Variants in RIC1 observed in about 807,000 individuals in gnomAD.
The protein encoded by RIC1 is RIC1 partner of RAB6A GEF complex.
In RIC1, 88 loss-of-function variants were observed where a neutral mutation model predicts 169.0. That is an observed-to-expected ratio of 0.52 (90% CI 0.44 to 0.62). The LOEUF (loss-of-function observed/expected upper bound fraction) is 0.62. Ranked by LOEUF, RIC1 falls within the 20% of genes least tolerant of loss-of-function variation. The pLI is 0.00. For missense variants in RIC1, 1,877 were observed against 1,725.5 expected, an observed-to-expected ratio of 1.09 and a Z score of -1.56; for synonymous variants, 790 against 601.5, an observed-to-expected ratio of 1.31 and a Z score of -4.59.
At chr9:5,681,429 C>T (rs1049799957) in intron 2 of RIC1, among the ~76,000 whole-genome samples, 11 of 152,044 alleles carry the variant, frequency 7.2e-5, no homozygotes, top group Admixed American at 5.9e-4. Context: ...GCAGGTTGTT[C>T]AGTGTCCATG....
In RIC1 at chr9:5,762,634, A is replaced by G. The variant is rs748877446; in HGVS notation, c.2086A>G (p.Ser696Gly). The change falls in exon 18 of 26, where the codon AGT (serine) becomes GGT (glycine). Residue 696 changes from serine to glycine, a missense_variant. Around this residue, in one of 3 missense-constraint regions of RIC1, gnomAD observed 1,104 missense variants for 992.0 expected, o/e 1.11. Coordinates refer to ENST00000414202, the MANE Select transcript of RIC1 (RefSeq NM_020829.4). Reference sequence around the variant, plus strand: ...AGGCCCACAGATCCGGGAGAAGGACAGTAACCCTAATAACCAAAGGAAACT... The same window carrying G: ...AGGCCCACAGATCCGGGAGAAGGACGGTAACCCTAATAACCAAAGGAAACT... The part of the protein sequence containing the change: ...RSGPQIREKD[S>G]NPNNQRKLLP... 1.2e-6 allele frequency: 2 copies of G among 1,614,020 alleles called. No homozygotes were observed. The highest frequency in any genetic ancestry group is 1.1e-5 in the South Asian group (1 of 91,068).
intron 1 of RIC1, among the ~76,000 whole-genome samples, chr9:5,647,974 A>ATGGTGGTGG (rs775917627): frequency 1.2e-4 from 12 of 99,220 alleles, no homozygotes; most frequent in African/African-American, 4.4e-4. Flanking sequence ...GGTGGTGGTG[A>ATGGTGGTGG]TGGTGGTGGT....
chr9:5,656,879 A>G (rs186396852), intron 2 of RIC1, among the ~76,000 whole-genome samples, 189 bp downstream of exon 2: 1 of 152,230 alleles, frequency 6.6e-6, no homozygotes, highest in East Asian at 1.9e-4. Flanking sequence ...TGACTCTGCT[A>G]CTTCCTTAAC....
rs1330714071 is a variant in RIC1, at chr9:5,763,604, T to C, written c.2577T>C (p.His859=). The change falls in exon 19 of 26, where the codon CAT becomes CAC. Residue 859 remains histidine, a synonymous_variant. Coordinates refer to ENST00000414202, the MANE Select transcript of RIC1 (RefSeq NM_020829.4). This position sits in a 1 kb window ranked among gnomAD's most constrained non-coding sequence, Gnocchi z 5.2. ...GTGCCACATTACCTTACTTCCCTCA[T>C]GTGCTGGAGCTCATGCTCCATGAAG... ...QSCATLPYFP[H]VLELMLHEVL... 1 of 1,614,148 alleles carries C rather than the reference T, an allele frequency of 6.2e-7. No individual in the cohort carries two copies. The highest frequency in any genetic ancestry group is 8.5e-7 in the Non-Finnish European group (1 of 1,180,010).
intron 1 of RIC1, among the ~76,000 whole-genome samples, chr9:5,632,782 C>T (rs553109953): frequency 4.9e-4 from 74 of 152,120 alleles, no homozygotes; most frequent in Non-Finnish European, 8.2e-4. Context: ...ACATTTTGTA[C>T]TGTACTGAGG....
intron 3 of RIC1, among the ~76,000 whole-genome samples, chr9:5,699,258 C>G (rs1393202282): frequency 6.6e-6 from 1 of 152,142 alleles, no homozygotes; most frequent in East Asian, 1.9e-4. Context: ...TCCCACATCC[C>G]AAAGATGTAC....
chr9:5,645,393 T>C (rs1264968428), intron 1 of RIC1, among the ~76,000 whole-genome samples: 1 of 152,232 alleles, frequency 6.6e-6, no homozygotes, highest in Non-Finnish European at 1.5e-5. Flanking sequence ...GAGTTCTTTA[T>C]ATGTCTTGAT....
chr9:5,636,744 G>T (rs1029265551), intron 1 of RIC1, among the ~76,000 whole-genome samples: 1 of 152,086 alleles, frequency 6.6e-6, no homozygotes, highest in African/African-American at 2.4e-5. Flanking sequence ...TTTTTTGGTG[G>T]TTTTTAGGTT....
chr9:5,697,168 C>A (rs1192558883), intron 3 of RIC1, among the ~76,000 whole-genome samples: 1 of 152,220 alleles, frequency 6.6e-6, no homozygotes, highest in Non-Finnish European at 1.5e-5. Context: ...GCTCCCACAT[C>A]ACTGGTGCTC....
Position 5,644,533 on chromosome 9 carries a change from C to T in RIC1, c.145-12050C>T, listed in dbSNP as rs1264128375. Among the ~76,000 whole-genome samples, 6 of 152,096 alleles carry T rather than the reference C, an allele frequency of 3.9e-5. No individual in the cohort carries two copies. The East Asian group carries it at 1.2e-3, about 29-fold the overall frequency. ...ATAAGTAACTTCTTATCCTTTATCCCCTTCTCATCCTTCTGAGTCTGGTAT... is the reference window on the plus strand; with the variant it reads ...ATAAGTAACTTCTTATCCTTTATCCTCTTCTCATCCTTCTGAGTCTGGTAT... On this transcript the variant is annotated intron_variant, in intron 1 of 25. Coordinates refer to ENST00000414202, the MANE Select transcript of RIC1 (RefSeq NM_020829.4).
At chr9:5,768,867 A>G (rs1586727015) in intron 21 of RIC1, 103 bp from the exon 22 acceptor site, 6 of 1,235,684 alleles carry the variant, frequency 4.9e-6, no homozygotes, top group Non-Finnish European at 5.6e-6. Flanking sequence ...TAGATCTTGG[A>G]TCTCTTATCT....
chr9:5,738,123 A>G (rs1187374602), intron 7 of RIC1, among the ~76,000 whole-genome samples: 2 of 152,202 alleles, frequency 1.3e-5, no homozygotes, highest in Non-Finnish European at 2.9e-5. Context: ...TTGCTATACC[A>G]TATGTACTAT....
At chr9:5,773,401 T>C (rs1224063376) in intron 25 of RIC1, among the ~76,000 whole-genome samples, 1 of 152,166 alleles carries the variant, frequency 6.6e-6, no homozygotes, top group African/African-American at 2.4e-5. Flanking sequence ...CCCTGTGAAA[T>C]TGAAAGCAAT....
intron 2 of RIC1, among the ~76,000 whole-genome samples, chr9:5,659,038 C>G (rs1409194374): frequency 1.3e-5 from 2 of 151,886 alleles, no homozygotes; most frequent in Admixed American, 1.3e-4. Flanking sequence ...ACTTTAAACC[C>G]CAATTTACCA....
chr9:5,756,493 G>T, intron 16 of RIC1, 121 bp downstream of exon 16: 1 of 592,220 alleles, frequency 1.7e-6, no homozygotes, highest in Non-Finnish European at 2.5e-6. Context: ...TTTGTTAGAG[G>T]TAAAAAAAGC....
At position 5,772,973 on chromosome 9, in the gene RIC1, A is replaced by G. The variant is rs761286418; in HGVS notation, c.3876A>G (p.Ile1292Met). Residue 1292 changes from isoleucine to methionine, a missense_variant, in exon 25 of 26, where the codon ATA (isoleucine) becomes ATG (methionine). Around this residue, in one of 3 missense-constraint regions of RIC1, gnomAD observed 681 missense variants for 582.0 expected, o/e 1.17. Transcript: ENST00000414202. The stretch of plus-strand genomic sequence containing the variant: ...GCCTGATTCTTAGAGAATCCTCAAT[A>G]ATCAATCAGATTTTGGTTATTACAC... ...VIGLILRESS[I>M]INQILVITQS... The G allele has an allele frequency of 6.2e-7, 1 of 1,613,748 alleles. No individual in the cohort carries two copies. The highest frequency in any genetic ancestry group is 8.5e-7 in the Non-Finnish European group (1 of 1,179,740).
intron 2 of RIC1, among the ~76,000 whole-genome samples, chr9:5,664,458 T>C (rs1245312205): frequency 6.6e-6 from 1 of 152,140 alleles, no homozygotes; most frequent in Non-Finnish European, 1.5e-5. Flanking sequence ...TTCTGGCTTT[T>C]AGGGTTTTCA....
intron 2 of RIC1, among the ~76,000 whole-genome samples, chr9:5,663,188 C>G (rs530728719): frequency 6.6e-6 from 1 of 152,214 alleles, no homozygotes; most frequent in South Asian, 2.1e-4. Flanking sequence ...GTGTTGTGGT[C>G]TGAGAGACTG....
chr9:5,730,286 A>G (rs1824285601), intron 6 of RIC1, among the ~76,000 whole-genome samples: 1 of 152,178 alleles, frequency 6.6e-6, no homozygotes, highest in Admixed American at 6.5e-5. Flanking sequence ...AATATGCTTG[A>G]AGCCCTTAGA....
Sources: allele counts gnomAD v4.1 joint callset (sites outside exome capture counted in the v4.1 genomes callset), GRCh38; gene constraint gnomAD v4.1.1; regional missense constraint gnomAD v4.1.1; non-coding constraint Gnocchi (gnomAD v3.1); transcripts MANE v1.5; gene names NCBI Gene and HGNC (gene_info 2026-07-23, HGNC 2026-07-21).